The following DIAPH2 variants were observed in gnomAD, a reference collection of about 807,000 sequenced individuals.
DIAPH2 encodes the protein protein diaphanous homolog 2.
DIAPH2 carries 35 observed loss-of-function variants against 92.7 expected under a neutral mutation model. That is an observed-to-expected ratio of 0.38 (90% CI 0.29 to 0.50). The LOEUF (loss-of-function observed/expected upper bound fraction) is 0.50, where lower values mean the gene tolerates loss of function less well. Among genes scored for constraint, DIAPH2 ranks in the 20% least tolerant of loss-of-function variants. The pLI is 0.94. For synonymous variants in DIAPH2, 301 were observed against 280.4 expected (o/e 1.07, Z -0.73); for missense variants, 701 against 819.5 (o/e 0.86, Z 1.77).
At chrX:96,831,119 T>C (rs2064851778) in intron 4 of DIAPH2, among the ~76,000 whole-genome samples, 1 of 111,784 alleles carries the variant, frequency 8.9e-6, no homozygotes, top group African/African-American at 3.2e-5. Flanking sequence ...AAGACATTTG[T>C]ACTAGCTATT....
rs1320762139 is a variant in DIAPH2 at position 97,244,896 on chromosome X, C to T, written c.2720-2819C>T. 1.1e-4 allele frequency among the ~76,000 whole-genome samples: 12 copies of T among 111,010 alleles called. No individual in the cohort carries two copies. The Admixed American group carries it at 1.2e-3, about 11-fold the overall frequency. On this transcript the variant is annotated intron_variant, in intron 22 of 26. Coordinates refer to ENST00000324765, the MANE Select transcript of DIAPH2 (RefSeq NM_006729.5). ...ACAAGGTCAGGAGATCGAGACCATC[C>T]TGACCAACATGGTGAAACCCCGTCT...
chrX:97,301,777 AGCTCC>A (rs2147627832), intron 23 of DIAPH2, among the ~76,000 whole-genome samples: 1 of 111,727 alleles, frequency 9.0e-6, no homozygotes, highest in East Asian at 2.8e-4. Context: ...TTCTTGCGCC[AGCTCC>A]TTATCTCATA....
At chrX:97,590,644 G>A (rs918727305) in intron 26 of DIAPH2, among the ~76,000 whole-genome samples, 1 of 112,065 alleles carries the variant, frequency 8.9e-6, no homozygotes, top group African/African-American at 3.3e-5. Flanking sequence ...CCACCATGCC[G>A]TTTAACAGCT....
intron 22 of DIAPH2, among the ~76,000 whole-genome samples, chrX:97,203,326 A>G (rs1372303571): frequency 1.9e-5 from 2 of 105,387 alleles, no homozygotes; most frequent in African/African-American, 6.8e-5. Context: ...AGATGAGAGC[A>G]GAAATGAAGG....
At chrX:97,095,925 T>G (rs1455588409) in intron 19 of DIAPH2, among the ~76,000 whole-genome samples, 7 of 112,149 alleles carry the variant, frequency 6.2e-5, no homozygotes, top group Non-Finnish European at 1.3e-4. Context: ...TTTGTGAACT[T>G]CAGTTCATTG....
At chrX:97,583,788 C>T (rs978707711) in intron 26 of DIAPH2, among the ~76,000 whole-genome samples, 15 of 111,396 alleles carry the variant, frequency 1.3e-4, no homozygotes, top group Non-Finnish European at 2.3e-4. Flanking sequence ...TGCCGCCTTG[C>T]AGTTTGATCT....
chrX:97,323,415 C>A (rs1193432100), intron 23 of DIAPH2, among the ~76,000 whole-genome samples: 2 of 99,588 alleles, frequency 2.0e-5, no homozygotes, highest in Middle Eastern at 5.2e-3. Flanking sequence ...CACGGTGAAA[C>A]CCTGTCTCTA....
chrX:96,963,054 T>G (rs2065874823), intron 16 of DIAPH2, among the ~76,000 whole-genome samples: 1 of 112,164 alleles, frequency 8.9e-6, no homozygotes, highest in Admixed American at 9.4e-5. Flanking sequence ...TTTTGCGTGT[T>G]TGGGAAAGAC....
intron 26 of DIAPH2, among the ~76,000 whole-genome samples, chrX:97,432,398 G>C (rs749433929): frequency 6.3e-5 from 7 of 111,285 alleles, no homozygotes; most frequent in Non-Finnish European, 1.3e-4. Context: ...GGGTTCAAGA[G>C]ATTCTCGTGC....
At position 97,445,001 on chromosome X, in the gene DIAPH2, AT is replaced by A. The variant is rs766464054; in HGVS notation, c.3241+15259del. Among the ~76,000 whole-genome samples the A allele has an allele frequency of 8.8e-4, 98 of 111,930 alleles. 1 individual carries two copies. In the Middle Eastern group the frequency reaches 0.014, roughly 16 times the overall value. On this transcript the variant is annotated intron_variant, in intron 26 of 26. Coordinates refer to ENST00000324765, the MANE Select transcript of DIAPH2 (RefSeq NM_006729.5). Reference sequence around the variant, plus strand: ...ATTATTAGAAATTATTAGAAAATAAATTTAGAAATGAAGTTCCAACATCATG... The same window carrying A: ...ATTATTAGAAATTATTAGAAAATAAATTAGAAATGAAGTTCCAACATCATG...
At chrX:97,060,612 T>A (rs998619360) in intron 17 of DIAPH2, among the ~76,000 whole-genome samples, 10 of 111,968 alleles carry the variant, frequency 8.9e-5, no homozygotes, top group African/African-American at 3.3e-4. Flanking sequence ...AACATTGCAT[T>A]CATCTTATAT....
intron 24 of DIAPH2, among the ~76,000 whole-genome samples, chrX:97,368,798 C>CCTCTTTTGTATTA (rs2069408604): frequency 9.1e-6 from 1 of 110,447 alleles, no homozygotes; most frequent in Non-Finnish European, 1.9e-5. Context: ...TTATTGCATG[C>CCTCTTTTGTATTA]CTCTTTTGTA....
chrX:97,470,631 A>G (rs1184350620), intron 26 of DIAPH2, among the ~76,000 whole-genome samples: 1 of 109,984 alleles, frequency 9.1e-6, no homozygotes, highest in Non-Finnish European at 1.9e-5. Context: ...TACTACATGT[A>G]CATTTAGTAG....
At chrX:97,306,866 T>G (rs1238048961) in intron 23 of DIAPH2, among the ~76,000 whole-genome samples, 1 of 111,850 alleles carries the variant, frequency 8.9e-6, no homozygotes, top group African/African-American at 3.2e-5. Flanking sequence ...GAAGTAGGAA[T>G]AGAGATAAGA....
chrX:97,223,417 G>A (rs1028961346), intron 22 of DIAPH2, among the ~76,000 whole-genome samples: 1 of 110,362 alleles, frequency 9.1e-6, no homozygotes, highest in Non-Finnish European at 1.9e-5. Context: ...ATGGTTTTTT[G>A]ACTGTTTTTA....
chrX:97,112,664 C>G (rs1384440180), intron 20 of DIAPH2, among the ~76,000 whole-genome samples: 1 of 108,848 alleles, frequency 9.2e-6, no homozygotes, highest in African/African-American at 3.4e-5. Flanking sequence ...TCATATATAC[C>G]TAGCCTATAA....
rs2065011417 is a variant in DIAPH2 at position 96,852,336 on chromosome X, T to G, written c.448-29243T>G. On this transcript the variant is annotated intron_variant, in intron 4 of 26. Coordinates refer to ENST00000324765, the MANE Select transcript of DIAPH2 (RefSeq NM_006729.5). ...TTATCAAATGTACTAAAACTATGTT[T>G]TTAGACATACTCTTTAATATATTCA... Among the ~76,000 whole-genome samples, 5 of 112,362 alleles carry G rather than the reference T, an allele frequency of 4.4e-5. No homozygotes were observed. In the Admixed American group the frequency reaches 4.7e-4, roughly 11 times the overall value.
chrX:97,192,107 T>C (rs1215745930), intron 22 of DIAPH2, among the ~76,000 whole-genome samples: 2 of 109,745 alleles, frequency 1.8e-5, no homozygotes, highest in African/African-American at 3.3e-5. Flanking sequence ...CTGGCCAACA[T>C]AGTGAAACCC....
intron 26 of DIAPH2, among the ~76,000 whole-genome samples, chrX:97,572,157 G>T (rs760181802): frequency 9.2e-6 from 1 of 108,460 alleles, no homozygotes; most frequent in South Asian, 4.1e-4. Context: ...CACGTTCATT[G>T]CAGGCTCAGC....
Sources: allele counts gnomAD v4.1 joint callset (sites outside exome capture counted in the v4.1 genomes callset), GRCh38; gene constraint gnomAD v4.1.1; transcripts MANE v1.5; gene names NCBI Gene and HGNC (gene_info 2026-07-23, HGNC 2026-07-21).